Variants in CYP4F2 observed in about 807,000 individuals in gnomAD.
CYP4F2 encodes the protein cytochrome P450 family 4 subfamily F member 2.
In CYP4F2, 58 loss-of-function variants were observed where a neutral mutation model predicts 58.9. The ratio of observed to expected loss-of-function variants is 0.98; its 90% confidence interval spans 0.80 to 1.23. CYP4F2 has a LOEUF of 1.23. Among genes scored for constraint, CYP4F2 ranks in the 50% most tolerant of loss-of-function variants. The probability of loss-of-function intolerance (pLI) is 0.00; values close to 1 mark genes in which losing one functional copy is unlikely to be tolerated. For missense variants in CYP4F2, 616 were observed against 685.6 expected (o/e 0.90, Z 1.13); for synonymous variants, 287 against 261.1 (o/e 1.10, Z -0.95).
At chr19:15,880,662 T>C (rs1331164757) in intron 9 of CYP4F2, among the ~76,000 whole-genome samples, 2 of 151,368 alleles carry the variant, frequency 1.3e-5, no homozygotes, top group Admixed American at 6.6e-5. Flanking sequence ...TTCTTAAAAG[T>C]AAATATTTTT....
chr19:15,879,302 G>C, intron 12 of CYP4F2, 44 bp downstream of exon 12: 1 of 1,605,986 alleles, frequency 6.2e-7, no homozygotes, highest in South Asian at 1.1e-5. Flanking sequence ...CCAGACCCCT[G>C]CACCCATCAA....
rs551818189 is a variant in CYP4F2, at chr19:15,889,672, G to A, written c.669C>T (p.Ala223=). 84 of 1,613,950 alleles carry A rather than the reference G, an allele frequency of 5.2e-5. No homozygotes were observed. In the South Asian group the frequency reaches 7.1e-4, roughly 14 times the overall value. ...CAAGGGCACTGAGCTCCAAGATGGCGGCAATATATTCACTGGGTTTCCTGC... is the reference window on the plus strand; with the variant it reads ...CAAGGGCACTGAGCTCCAAGATGGCAGCAATATATTCACTGGGTTTCCTGC... ...HCQEKPSEYI[A]AILELSALVS... Residue 223 remains alanine, a synonymous_variant, in exon 7 of 13, where the codon GCC becomes GCT. Transcript: ENST00000221700.
rs3093218 is a variant in CYP4F2 at position 15,892,010 on chromosome 19, C to T, written c.525+299G>A. ...TTTTCAGGTGGTTTCTTATCAGCAA[C>T]AGCTACTATGAAATTGTTGTCATGA... is the stretch of plus-strand genomic sequence containing the variant. On this transcript the variant is annotated intron_variant, in intron 5 of 12. Coordinates refer to ENST00000221700, the MANE Select transcript of CYP4F2 (RefSeq NM_001082.5). 3.8e-3 allele frequency among the ~76,000 whole-genome samples: 586 copies of T among 152,286 alleles called. 3 individuals carry two copies. The highest frequency in any genetic ancestry group is 5.6e-3 in the Non-Finnish European group (380 of 68,022).
chr19:15,880,623 C>T (rs3093195), intron 9 of CYP4F2, among the ~76,000 whole-genome samples: 41,128 of 140,010 alleles, frequency 0.29, 5,800 homozygotes, highest in Non-Finnish European at 0.34. Context: ...GACTGCATCT[C>T]AAAAAAAAAA....
At chr19:15,896,921 T>C (rs945874692) in intron 2 of CYP4F2, among the ~76,000 whole-genome samples, 17 of 152,136 alleles carry the variant, frequency 1.1e-4, no homozygotes, top group Non-Finnish European at 2.1e-4. Flanking sequence ...ACAGGTCTCA[T>C]TGATAAGAGG....
Position 15,879,441 on chromosome 19 carries a change from C to T in CYP4F2, c.1315-13G>A. On this transcript the variant is annotated splice_polypyrimidine_tract_variant and intron_variant, in intron 11 of 12. Transcript: ENST00000221700. ...AGGGGTCGTAGACCTGGAGGTGAGA[C>T]CAAGAAGGGTTGTTGGGTGGGGTCT... 1 of 1,613,974 alleles carries T rather than the reference C, an allele frequency of 6.2e-7. No homozygotes were observed. The highest frequency in any genetic ancestry group is 8.5e-7 in the Non-Finnish European group (1 of 1,179,924).
chr19:15,885,867 T>C (rs1194789278), intron 9 of CYP4F2, 57 bp downstream of exon 9: 11 of 1,575,754 alleles, frequency 7.0e-6, no homozygotes, highest in Middle Eastern at 1.7e-4. Flanking sequence ...CCTCCCCACC[T>C]GGGGAGCAGA....
chr19:15,889,488 C>A lies in CYP4F2; in HGVS notation c.853G>T (p.Asp285Tyr). The change falls in exon 7 of 13, where the codon GAC (aspartate) becomes TAC (tyrosine). Residue 285 changes from aspartate to tyrosine, a missense_variant. Transcript: ENST00000221700. ...GATTTGGCCTTGGCTTGGAGGAAGT[C>A]ATCAACACCCTGGCTAGGGAGAGTG... is the stretch of plus-strand genomic sequence containing the variant. ...RRTLPSQGVDDFLQAKAKSKT... is the reference protein window; with the variant it reads ...RRTLPSQGVDYFLQAKAKSKT... The A allele has an allele frequency of 6.2e-7, 1 of 1,614,192 alleles. No individual in the cohort carries two copies. The highest frequency in any genetic ancestry group is 8.5e-7 in the Non-Finnish European group (1 of 1,180,036).
chr19:15,884,810 G>A (rs1037591455), intron 9 of CYP4F2, among the ~76,000 whole-genome samples: 1 of 152,052 alleles, frequency 6.6e-6, no homozygotes, highest in African/African-American at 2.4e-5. Flanking sequence ...GTCTCAGAAT[G>A]TCCCCACTGT....
At chr19:15,894,551 A>G (rs970697999) in intron 3 of CYP4F2, among the ~76,000 whole-genome samples, 5 of 152,204 alleles carry the variant, frequency 3.3e-5, no homozygotes, top group African/African-American at 1.2e-4. Context: ...TGAGACCTGG[A>G]TCCAGCCATG....
intron 3 of CYP4F2, among the ~76,000 whole-genome samples, chr19:15,892,910 A>G (rs2089425543): frequency 6.6e-6 from 1 of 152,140 alleles, no homozygotes; most frequent in South Asian, 2.1e-4. Flanking sequence ...AATGCTTCAC[A>G]AGGACCTAGG....
chr19:15,879,595 G>T lies in CYP4F2; in HGVS notation c.1314+9C>A, dbSNP rs762884551. 10 of 1,613,856 alleles carry T rather than the reference G, an allele frequency of 6.2e-6. No individual in the cohort carries two copies. The African/African-American group carries it at 1.2e-4, about 19-fold the overall frequency. On this transcript the variant is annotated intron_variant, in intron 11 of 12. Transcript: ENST00000221700. ...GGAATGGACAAAAACAGAGAGAGGGGCCCCGCACCTCAGGGTCCGGCCACA... is the reference window on the plus strand; with the variant it reads ...GGAATGGACAAAAACAGAGAGAGGGTCCCCGCACCTCAGGGTCCGGCCACA...
At chr19:15,881,104 C>G (rs3093193) in intron 9 of CYP4F2, among the ~76,000 whole-genome samples, 43,686 of 151,990 alleles carry the variant, frequency 0.29, 6,843 homozygotes, top group Middle Eastern at 0.45. Flanking sequence ...AACAGCCACA[C>G]GATGGAATAC....
At chr19:15,897,327 A>AC in intron 2 of CYP4F2, 87 bp downstream of exon 2, 1 of 624,898 alleles carries the variant, frequency 1.6e-6, no homozygotes, top group Non-Finnish European at 2.7e-6. Context: ...ATCCCAGCCC[A>AC]CCCCTTCACC....
At chr19:15,883,185 A>C (rs2089355598) in intron 9 of CYP4F2, among the ~76,000 whole-genome samples, 1 of 152,220 alleles carries the variant, frequency 6.6e-6, no homozygotes, top group South Asian at 2.1e-4. Flanking sequence ...ATCAACTTAC[A>C]GAATGGCAGA....
chr19:15,883,179 A>G (rs3093224), intron 9 of CYP4F2, among the ~76,000 whole-genome samples: 6,403 of 152,300 alleles, frequency 0.042, 171 homozygotes, highest in Non-Finnish European at 0.06. Flanking sequence ...TGAAGAATCA[A>G]CTTACAGAAT....
At chr19:15,884,112 G>GAGGA (rs761300877) in intron 9 of CYP4F2, among the ~76,000 whole-genome samples, 24 of 151,918 alleles carry the variant, frequency 1.6e-4, no homozygotes, top group Non-Finnish European at 2.9e-4. Context: ...GGGAGGGAGG[G>GAGGA]AGGAAGGAAG....
At chr19:15,890,486 C>T in intron 5 of CYP4F2, 53 bp from the exon 6 acceptor site, 3 of 1,600,238 alleles carry the variant, frequency 1.9e-6, no homozygotes, top group South Asian at 2.2e-5. Flanking sequence ...CCTTGAGCAC[C>T]TCTCCAACCC....
Position 15,895,508 on chromosome 19 carries a change from G to C in CYP4F2, c.341C>G (p.Ser114Ter). The C allele has an allele frequency of 6.6e-7, 1 of 1,517,260 alleles. No individual in the cohort carries two copies. Among genetic ancestry groups the C allele is most frequent in the Non-Finnish European group, 8.8e-7 (1 of 1,142,260 alleles). The allele number at this position is 1,517,260 out of a possible 1,614,324, so 94.0% of individuals were successfully genotyped here. Residue 114 changes from serine (S) to a stop codon, truncating the protein, a stop_gained and splice_region_variant, in exon 3 of 13, where the codon TCA (serine) becomes TGA (stop). Coordinates refer to ENST00000221700, the MANE Select transcript of CYP4F2 (RefSeq NM_001082.5). LOFTEE classifies it high-confidence loss of function. ...CCACCAGCTGTTCCAGATGGTACCTGAGGCGTTGATGACAGACCGGATGAT... is the reference window on the plus strand; with the variant it reads ...CCACCAGCTGTTCCAGATGGTACCTCAGGCGTTGATGACAGACCGGATGAT... ...PDIIRSVINA[S>*]AAIAPKDKFF...
Sources: allele counts gnomAD v4.1 joint callset (sites outside exome capture counted in the v4.1 genomes callset), GRCh38; gene constraint gnomAD v4.1.1; transcripts MANE v1.5; gene names NCBI Gene and HGNC (gene_info 2026-07-23, HGNC 2026-07-21).